The following NID2 variants were observed in gnomAD, a reference collection of about 807,000 sequenced individuals.
NID2 encodes the protein nidogen 2.
Under a neutral mutation model 145.4 loss-of-function variants are expected in NID2, and 83 were observed. The ratio of observed to expected loss-of-function variants is 0.57; its 90% CI spans 0.48 to 0.69. The LOEUF (loss-of-function observed/expected upper bound fraction) is 0.69, where lower values mean the gene tolerates loss of function less well. Ranked by LOEUF, NID2 falls within the 30% of genes least tolerant of loss-of-function variation. The probability of loss-of-function intolerance (pLI) is 0.00; values close to 1 mark genes in which losing one functional copy is unlikely to be tolerated. For synonymous variants in NID2, 739 were observed against 701.3 expected (o/e 1.05, Z -0.85); for missense variants, 1,807 against 1,765.7 (o/e 1.02, Z -0.42).
chr14:52,042,857 T>G lies in NID2; in HGVS notation c.1504A>C (p.Thr502Pro), dbSNP rs1338593286. 6.2e-7 allele frequency: 1 copy of G among 1,614,226 alleles called. No homozygotes were observed. Among genetic ancestry groups the G allele is most frequent in the East Asian group, 2.2e-5 (1 of 44,884 alleles). ...CAGCAGAAGCCAGTGGCATAGTCCG[T>G]GCAGAAGGCATGCCGGGAGCATTGT... Reference protein sequence around the residue: ...HRQCSRHAFCTDYATGFCCHC... With the variant: ...HRQCSRHAFCPDYATGFCCHC... The change falls in exon 6 of 22, where the codon ACG (threonine) becomes CCG (proline). Residue 502 changes from threonine to proline, a missense_variant. By Grantham distance (38) the Thr-to-Pro change is conservative. Transcript: ENST00000216286.
At chr14:52,013,163 T>C (rs2140350833) in intron 16 of NID2, among the ~76,000 whole-genome samples, 1 of 152,350 alleles carries the variant, frequency 6.6e-6, no homozygotes. Flanking sequence ...CCAGTTTAAG[T>C]AAATTTCCTT....
chr14:52,041,641 C>T (rs1284921888), intron 7 of NID2, among the ~76,000 whole-genome samples: 2 of 152,106 alleles, frequency 1.3e-5, no homozygotes, highest in Non-Finnish European at 2.9e-5. Context: ...TTGACAAGAC[C>T]TCCAAGTGAT....
intron 5 of NID2, among the ~76,000 whole-genome samples, chr14:52,050,443 C>T (rs1165237254): frequency 6.6e-6 from 1 of 152,216 alleles, no homozygotes; most frequent in Non-Finnish European, 1.5e-5. Flanking sequence ...ACTTCCCCAA[C>T]AGCAGTGACA....
rs1891826539 is a variant in NID2, at chr14:52,030,663, AAAAAG to A, written c.2258-978_2258-974del. On this transcript the variant is annotated intron_variant, in intron 9 of 21. Coordinates refer to ENST00000216286, the MANE Select transcript of NID2 (RefSeq NM_007361.4). The stretch of plus-strand genomic sequence containing the variant: ...GAAAGAAAAAGAGAAAGAAAGAAAG[AAAAAG>A]AAAAGAAAGAAAAGGAAAAGAAAAG... Among the ~76,000 whole-genome samples, 3 of 151,104 alleles carry A rather than the reference AAAAAG, an allele frequency of 2.0e-5. No homozygotes were observed. The South Asian group carries it at 6.3e-4, about 31-fold the overall frequency.
chr14:52,030,208 A>G (rs887089735), intron 9 of NID2, among the ~76,000 whole-genome samples: 2 of 152,186 alleles, frequency 1.3e-5, no homozygotes, highest in Non-Finnish European at 2.9e-5. Context: ...AATTAATTTT[A>G]AAAATCTTGT....
In NID2 at chr14:52,042,841, C is replaced by T. The variant is rs1029161129; in HGVS notation, c.1520G>A (p.Gly507Asp). 9.3e-6 allele frequency: 15 copies of T among 1,614,104 alleles called. No homozygotes were observed. The highest frequency in any genetic ancestry group is 1.3e-5 in the Non-Finnish European group (15 of 1,180,040). ...RHAFCTDYAT[G>D]FCCHCQSKFY... ...CTTGGATTGGCAGTGGCAGCAGAAG[C>T]CAGTGGCATAGTCCGTGCAGAAGGC... Residue 507 changes from glycine (G) to aspartate (D), a missense_variant, in exon 6 of 22, where the codon GGC becomes GAC. Physicochemically the swap from Gly to Asp is moderately conservative, Grantham distance 94. Transcript: ENST00000216286.
intron 18 of NID2, chr14:52,010,134 G>A (rs890644513): frequency 1.3e-5 from 2 of 152,150 alleles, no homozygotes; most frequent in Non-Finnish European, 2.9e-5. Flanking sequence ...CCTGTGTGTA[G>A]AACCCAAAGT....
In NID2 at chr14:52,005,196, TTTAAATA is replaced by T. The variant is rs1594991209; in HGVS notation, c.*283_*289del. On this transcript the variant is annotated 3_prime_UTR_variant, in exon 22 of 22. Transcript: ENST00000216286. ...ATTCTTAGTTGAATGAATTTGATCTTTTAAATATTAATGATAAATGTTTACAAGAAGT... is the reference window on the plus strand; with the variant it reads ...ATTCTTAGTTGAATGAATTTGATCTTTTAATGATAAATGTTTACAAGAAGT... 6.8e-6 allele frequency: 2 copies of T among 292,118 alleles called. No homozygotes were observed. The highest frequency in any genetic ancestry group is 2.2e-5 in the African/African-American group (1 of 46,054). 18.1% of individuals were successfully genotyped at this position (292,118 alleles called of 1,614,324 possible). A position where few individuals can be genotyped will look rare whatever the true frequency, so the allele number is the denominator to read the frequency against.
chr14:52,011,814 T>G (rs1891041334), intron 16 of NID2, 131 bp from the exon 17 acceptor site: 1 of 1,106,944 alleles, frequency 9.0e-7, no homozygotes, highest in African/African-American at 1.6e-5. Context: ...CAGAGCAGAG[T>G]AGCTGGACAT....
At chr14:52,033,990 G>T (rs556497565) in intron 9 of NID2, among the ~76,000 whole-genome samples, 1 of 152,232 alleles carries the variant, frequency 6.6e-6, no homozygotes, top group African/African-American at 2.4e-5. Flanking sequence ...CTCATCATCT[G>T]TAAAATGGGA....
rs10134492 is a variant in NID2 at position 52,029,529 on chromosome 14, C to T, written c.2401+18G>A. 15 of 1,596,530 alleles carry T rather than the reference C, an allele frequency of 9.4e-6. No homozygotes were observed. The highest frequency in any genetic ancestry group is 2.2e-5 in the South Asian group (2 of 90,176). ...AAACAAGGGCTACAAGAAGGAGACA[C>T]GAGAACATGGCTCTTACCCACACAG... On this transcript the variant is annotated intron_variant, in intron 10 of 21. Coordinates refer to ENST00000216286, the MANE Select transcript of NID2 (RefSeq NM_007361.4).
chr14:52,039,881 TTCTTA>T (rs772598161), intron 8 of NID2, among the ~76,000 whole-genome samples: 2 of 152,230 alleles, frequency 1.3e-5, no homozygotes, highest in Non-Finnish European at 2.9e-5. Context: ...AGGATATAAA[TTCTTA>T]TCTTTTGACT....
intron 12 of NID2, among the ~76,000 whole-genome samples, chr14:52,022,803 C>G (rs1891449564): frequency 1.3e-5 from 2 of 152,168 alleles, no homozygotes; most frequent in South Asian, 4.1e-4. Flanking sequence ...GATGATAAAC[C>G]TAACCCCTGG....
At chr14:52,064,528 T>C (rs1304506180) in intron 2 of NID2, among the ~76,000 whole-genome samples, 2 of 152,196 alleles carry the variant, frequency 1.3e-5, no homozygotes, top group Non-Finnish European at 2.9e-5. Context: ...AATGAATAAA[T>C]TAATCCATTC....
intron 12 of NID2, among the ~76,000 whole-genome samples, chr14:52,025,808 C>T (rs1197164742): frequency 6.6e-6 from 1 of 151,558 alleles, no homozygotes; most frequent in African/African-American, 2.4e-5. Context: ...AAAGGCCCTA[C>T]CTCTCAATAC....
intron 18 of NID2, chr14:52,009,102 GGA>G: frequency 6.6e-6 from 1 of 152,170 alleles, no homozygotes; most frequent in East Asian, 1.9e-4. Context: ...CTCAGTGAGA[GGA>G]GAGGAAGAAA....
At chr14:52,033,463 G>A (rs570132838) in intron 9 of NID2, among the ~76,000 whole-genome samples, 1 of 145,448 alleles carries the variant, frequency 6.9e-6, no homozygotes, top group African/African-American at 2.7e-5. Context: ...AACAACTGGT[G>A]GGGGGTGGCA....
chr14:52,008,493 T>C (rs1158596842), intron 18 of NID2: 2 of 152,552 alleles, frequency 1.3e-5, no homozygotes, highest in East Asian at 3.8e-4. Flanking sequence ...AATGTTATCT[T>C]ACACTGCTGA....
intron 5 of NID2, among the ~76,000 whole-genome samples, chr14:52,046,701 C>A (rs1327043539): frequency 6.6e-6 from 1 of 152,226 alleles, no homozygotes; most frequent in Non-Finnish European, 1.5e-5. Flanking sequence ...AATGAGCAGG[C>A]TCCCATGAAA....
Sources: allele counts gnomAD v4.1 joint callset (sites outside exome capture counted in the v4.1 genomes callset), GRCh38; gene constraint gnomAD v4.1.1; transcripts MANE v1.5; gene names NCBI Gene and HGNC (gene_info 2026-07-23, HGNC 2026-07-21).